CDHR3: variants seen among roughly 807,000 people sequenced by gnomAD.
The protein encoded by CDHR3 is cadherin-related family member 3.
Under a neutral mutation model 86.6 loss-of-function variants are expected in CDHR3, and 79 were observed. That is an observed-to-expected ratio of 0.91 (90% CI 0.76 to 1.10). The LOEUF (loss-of-function observed/expected upper bound fraction) is 1.10. CDHR3 is among the 50% of genes least tolerant of loss of function. The pLI, the probability that CDHR3 is intolerant of heterozygous loss-of-function variation, is 0.00. For missense variants in CDHR3, 1,081 were observed against 1,077.6 expected (o/e 1.00, Z -0.04); for synonymous variants, 421 against 402.4 (o/e 1.05, Z -0.55).
In CDHR3 at chr7:106,014,586, A is replaced by G. The variant is rs147444372; in HGVS notation, c.1225-525A>G. On this transcript the variant is annotated intron_variant, in intron 9 of 18. Transcript: ENST00000317716. Reference sequence around the variant, plus strand: ...CAGTGAGCTATGATTACACCTGTGAATAGCCACTGCACACCAGCCTGGGCA... The same window carrying G: ...CAGTGAGCTATGATTACACCTGTGAGTAGCCACTGCACACCAGCCTGGGCA... 9.2e-3 allele frequency among the ~76,000 whole-genome samples: 1,407 copies of G among 152,318 alleles called. 16 individuals carry two copies. Among genetic ancestry groups the G allele is most frequent in the African/African-American group, 0.032 (1,348 of 41,556 alleles).
chr7:106,024,453 A>G lies in CDHR3; in HGVS notation c.2149A>G (p.Thr717Ala), dbSNP rs1250749104. The G allele has an allele frequency of 6.2e-7, 1 of 1,613,878 alleles. No individual in the cohort carries two copies. The highest frequency in any genetic ancestry group is 1.3e-5 in the African/African-American group (1 of 74,910). Residue 717 changes from threonine to alanine, a missense_variant, in exon 15 of 19, where the codon ACT (threonine) becomes GCT (alanine). Physicochemically the swap from Thr to Ala is moderately conservative, Grantham distance 58 (BLOSUM62 0). Coordinates refer to ENST00000317716, the MANE Select transcript of CDHR3 (RefSeq NM_152750.5). Reference sequence around the variant, plus strand: ...TGCATGGTACGTGCCGTTTGTCATCACTTTGGGCTCCATATTGCTTCTGGG... The same window carrying G: ...TGCATGGTACGTGCCGTTTGTCATCGCTTTGGGCTCCATATTGCTTCTGGG... Reference protein sequence around the residue: ...PSAWYVPFVITLGSILLLGLL... With the variant: ...PSAWYVPFVIALGSILLLGLL...
chr7:106,009,991 T>C (rs1004861554), intron 8 of CDHR3, among the ~76,000 whole-genome samples: 6 of 152,114 alleles, frequency 3.9e-5, no homozygotes, highest in Non-Finnish European at 8.8e-5. Context: ...CTTTCCAAGT[T>C]AGGCGTTTAG....
intron 8 of CDHR3, among the ~76,000 whole-genome samples, chr7:106,007,230 T>C (rs534217750): frequency 6.6e-6 from 1 of 152,322 alleles, no homozygotes; most frequent in South Asian, 2.1e-4. Context: ...TCTGGGCCTG[T>C]GATGGGAGTG....
At chr7:105,968,178 G>T in intron 1 of CDHR3, among the ~76,000 whole-genome samples, 1 of 152,078 alleles carries the variant, frequency 6.6e-6, no homozygotes. Context: ...TGTTAATCTT[G>T]CTTGGCCTGG....
intron 6 of CDHR3, among the ~76,000 whole-genome samples, chr7:106,000,037 A>G (rs1832895961): frequency 6.6e-6 from 1 of 152,378 alleles, no homozygotes; most frequent in East Asian, 1.9e-4. Context: ...CGCTGGGGCC[A>G]TATCCTTCCC....
At chr7:106,021,400 G>A (rs1018161242) in intron 13 of CDHR3, among the ~76,000 whole-genome samples, 1 of 152,196 alleles carries the variant, frequency 6.6e-6, no homozygotes, top group Admixed American at 6.5e-5. Flanking sequence ...TGCAGTTGCC[G>A]AAGATGGAAA....
chr7:105,971,622 A>C (rs376783335), intron 1 of CDHR3, among the ~76,000 whole-genome samples: 79 of 152,314 alleles, frequency 5.2e-4, no homozygotes, highest in African/African-American at 1.7e-3. Flanking sequence ...CAAGAAAATC[A>C]GTGGATATAC....
intron 8 of CDHR3, among the ~76,000 whole-genome samples, chr7:106,006,343 C>T (rs1347435342): frequency 6.6e-6 from 1 of 151,634 alleles, no homozygotes; most frequent in Non-Finnish European, 1.5e-5. Context: ...CATGCCTTCC[C>T]AACAGTCATC....
chr7:105,968,769 G>A (rs1827383574), intron 1 of CDHR3, among the ~76,000 whole-genome samples: 1 of 152,210 alleles, frequency 6.6e-6, no homozygotes, highest in African/African-American at 2.4e-5. Context: ...CTGACCCCTA[G>A]TCAAGGCATG....
intron 17 of CDHR3, 83 bp downstream of exon 17, chr7:106,028,665 G>A (rs1227575542): frequency 6.9e-7 from 1 of 1,448,812 alleles, no homozygotes; most frequent in Non-Finnish European, 9.6e-7. Flanking sequence ...GCCTGCCACA[G>A]CCTTGTGGGC....
chr7:105,970,969 G>A (rs891657994), intron 1 of CDHR3, among the ~76,000 whole-genome samples: 41 of 151,888 alleles, frequency 2.7e-4, no homozygotes, highest in African/African-American at 9.7e-4. Flanking sequence ...GTGAAACTCC[G>A]TCTCTACTAA....
chr7:105,985,640 T>C (rs539047119), intron 4 of CDHR3, among the ~76,000 whole-genome samples: 1 of 152,274 alleles, frequency 6.6e-6, no homozygotes, highest in Non-Finnish European at 1.5e-5. Context: ...CTGTTTTTAT[T>C]AGAAGATGAT....
chr7:106,033,976 C>T lies in CDHR3; in HGVS notation c.*1279C>T, dbSNP rs1838705099. Among the ~76,000 whole-genome samples the T allele has an allele frequency of 6.6e-6, 1 of 152,192 alleles. No individual in the cohort carries two copies. The highest frequency in any genetic ancestry group is 6.5e-5 in the Admixed American group (1 of 15,276). ...CACTTGGGATTGTCAATCCTTTTAA[C>T]TTTAGCCATTCTGGTTAAAATTACT... On this transcript the variant is annotated 3_prime_UTR_variant, in exon 19 of 19. Coordinates refer to ENST00000317716, the MANE Select transcript of CDHR3 (RefSeq NM_152750.5).
chr7:105,996,214 A>G, intron 5 of CDHR3, 36 bp from the exon 6 acceptor site: 1 of 1,192,214 alleles, frequency 8.4e-7, no homozygotes, highest in Non-Finnish European at 1.2e-6. Flanking sequence ...GTGCCAGCAA[A>G]GCTTGATTCT....
intron 14 of CDHR3, among the ~76,000 whole-genome samples, chr7:106,023,087 G>A (rs576525810): frequency 6.6e-6 from 1 of 152,144 alleles, no homozygotes; most frequent in African/African-American, 2.4e-5. Context: ...ATCAGAATCA[G>A]CACCACCTGG....
chr7:105,980,623 A>ATTTTTTTTTTTTTTTTTTT (rs55880404), intron 2 of CDHR3, among the ~76,000 whole-genome samples: 5 of 108,154 alleles, frequency 4.6e-5, no homozygotes, highest in African/African-American at 1.5e-4. Flanking sequence ...TTTTTTTTTA[A>ATTTTTTTTTTTTTTTTTTT]TTTTTTTTTT....
chr7:106,016,046 A>C (rs556115039), intron 11 of CDHR3, 21 bp downstream of exon 11: 1 of 1,515,744 alleles, frequency 6.6e-7, no homozygotes, highest in East Asian at 2.3e-5. Context: ...GATAAGACAC[A>C]GACCAGAGTG....
rs1368035354 is a variant in CDHR3, at chr7:106,015,925, A to G, written c.1328-2A>G. The stretch of plus-strand genomic sequence containing the variant: ...TAAATGTGTTTCTATTTCCATTTTT[A>G]GATAACGTCTACGTTTATATCCTAA... On this transcript the variant is annotated splice_acceptor_variant, in intron 10 of 18. Transcript: ENST00000317716. LOFTEE classifies it high-confidence loss of function. 7 of 1,594,048 alleles carry G rather than the reference A, an allele frequency of 4.4e-6. No homozygotes were observed. The highest frequency in any genetic ancestry group is 6.0e-6 in the Non-Finnish European group (7 of 1,163,074).
At chr7:106,028,619 C>T (rs760252327) in intron 17 of CDHR3, 37 bp downstream of exon 17, 2 of 1,612,586 alleles carry the variant, frequency 1.2e-6, no homozygotes, top group South Asian at 1.1e-5. Flanking sequence ...GGCATAGACG[C>T]TGGGGGATAG....
Sources: allele counts gnomAD v4.1 joint callset (sites outside exome capture counted in the v4.1 genomes callset), GRCh38; gene constraint gnomAD v4.1.1; transcripts MANE v1.5; gene names NCBI Gene and HGNC (gene_info 2026-07-23, HGNC 2026-07-21).